The following NEGR1 variants were observed in gnomAD, a reference collection of about 807,000 sequenced individuals.
The protein encoded by NEGR1 is IgLON family member 4.
NEGR1 carries 10 observed loss-of-function variants against 40.9 expected under a neutral mutation model. The ratio of observed to expected loss-of-function variants is 0.24; its 90% CI spans 0.15 to 0.42. The LOEUF (loss-of-function observed/expected upper bound fraction) is 0.42. Ranked by LOEUF, NEGR1 falls within the 10% of genes least tolerant of loss-of-function variation. The pLI is 1.00. For missense variants in NEGR1, 352 were observed against 438.9 expected (o/e 0.80, Z 1.77); for synonymous variants, 185 against 166.8 (o/e 1.11, Z -0.84).
chr1:71,481,049 T>C (rs545032083), intron 6 of NEGR1, among the ~76,000 whole-genome samples: 48 of 152,046 alleles, frequency 3.2e-4, no homozygotes, highest in African/African-American at 1.2e-3. Flanking sequence ...TTTATAAATG[T>C]TTTGCATGCT....
chr1:71,532,623 G>A (rs1312065855), intron 6 of NEGR1, among the ~76,000 whole-genome samples: 1 of 151,554 alleles, frequency 6.6e-6, no homozygotes, highest in African/African-American at 2.4e-5. Context: ...TCTACAACGT[G>A]ACACATATTT....
intron 2 of NEGR1, among the ~76,000 whole-genome samples, chr1:71,856,233 A>G (rs543735576): frequency 4.6e-5 from 7 of 152,206 alleles, no homozygotes; most frequent in African/African-American, 1.4e-4. Context: ...GTCGATAGAT[A>G]CATAAGGAAA....
chr1:71,994,543 C>CA lies in NEGR1; in HGVS notation c.177-59233dup, dbSNP rs200106023. On this transcript the variant is annotated intron_variant, in intron 1 of 6. Coordinates refer to ENST00000357731, the MANE Select transcript of NEGR1 (RefSeq NM_173808.3). ...ACTCTGTCTCAAAAACAAAACAAAA[C>CA]AAACAAAAAAAAAAAACACTCATCA... is the stretch of plus-strand genomic sequence containing the variant. Among the ~76,000 whole-genome samples the CA allele has an allele frequency of 5.7e-4, 41 of 71,568 alleles. No homozygotes were observed. In the East Asian group the frequency reaches 0.011, roughly 19 times the overall value. 47.0% of individuals were successfully genotyped at this position (71,568 alleles called of 152,430 possible).
At chr1:71,520,650 G>A (rs1197888669) in intron 6 of NEGR1, among the ~76,000 whole-genome samples, 1 of 152,016 alleles carries the variant, frequency 6.6e-6, no homozygotes, top group Non-Finnish European at 1.5e-5. Context: ...CACTTAAAGG[G>A]AAGATTGATG....
At chr1:71,631,801 G>C (rs1211016167) in intron 4 of NEGR1, among the ~76,000 whole-genome samples, 1 of 151,764 alleles carries the variant, frequency 6.6e-6, no homozygotes, top group Non-Finnish European at 1.5e-5. Context: ...GTGGACAAAA[G>C]AGGATATGAA....
chr1:71,956,139 A>G (rs2100285236), intron 1 of NEGR1, among the ~76,000 whole-genome samples: 1 of 152,214 alleles, frequency 6.6e-6, no homozygotes, highest in South Asian at 2.1e-4. Flanking sequence ...ATTCTTTCTG[A>G]TTTATTACAG....
chr1:71,703,022 T>C (rs1219087620), intron 3 of NEGR1, among the ~76,000 whole-genome samples: 2 of 152,102 alleles, frequency 1.3e-5, no homozygotes, highest in Non-Finnish European at 2.9e-5. Flanking sequence ...ATGTGTTTTC[T>C]TGTCGTTGCT....
chr1:72,253,685 A>C (rs1470115066), intron 1 of NEGR1, among the ~76,000 whole-genome samples: 2 of 152,242 alleles, frequency 1.3e-5, no homozygotes, highest in African/African-American at 4.8e-5. Flanking sequence ...TGCTAATCAA[A>C]TAGGTATAAG....
At chr1:71,821,555 AG>A (rs751128962) in intron 2 of NEGR1, among the ~76,000 whole-genome samples, 5 of 152,032 alleles carry the variant, frequency 3.3e-5, no homozygotes, top group African/African-American at 7.2e-5. Flanking sequence ...CAGAGTAGAA[AG>A]GGCTCTGAAG....
chr1:72,232,249 C>T (rs879156960), intron 1 of NEGR1, among the ~76,000 whole-genome samples: 5 of 151,574 alleles, frequency 3.3e-5, no homozygotes, highest in Admixed American at 3.3e-4. Context: ...CCCAGCTACT[C>T]GGAAGGCTAA....
At chr1:71,941,166 A>G (rs1362279254) in intron 1 of NEGR1, among the ~76,000 whole-genome samples, 1 of 152,164 alleles carries the variant, frequency 6.6e-6, no homozygotes, top group Non-Finnish European at 1.5e-5. Context: ...TGACAGAAGG[A>G]GAACTTTCAA....
chr1:71,566,919 C>G (rs1461001981), intron 6 of NEGR1, among the ~76,000 whole-genome samples: 1 of 152,134 alleles, frequency 6.6e-6, no homozygotes, highest in Non-Finnish European at 1.5e-5. Context: ...AAGGGGCAAA[C>G]AAGCTCCCTC....
At chr1:71,726,688 C>T (rs1654688169) in intron 3 of NEGR1, among the ~76,000 whole-genome samples, 2 of 151,956 alleles carry the variant, frequency 1.3e-5, no homozygotes, top group South Asian at 2.1e-4. Context: ...CAATTTTCCC[C>T]CAAAAGCTTT....
intron 1 of NEGR1, among the ~76,000 whole-genome samples, chr1:72,049,427 TA>T (rs1557501021): frequency 2.6e-5 from 4 of 151,510 alleles, no homozygotes; most frequent in African/African-American, 9.7e-5. Context: ...GCAGAGAAAA[TA>T]GTAAGTACAA....
At chr1:72,230,291 G>A (rs535094009) in intron 1 of NEGR1, among the ~76,000 whole-genome samples, 42 of 152,002 alleles carry the variant, frequency 2.8e-4, no homozygotes, top group African/African-American at 9.9e-4. Context: ...AATTATCTTT[G>A]GTCTAATATA....
At position 71,939,448 on chromosome 1, in the gene NEGR1, A is replaced by T. The variant is rs183569298; in HGVS notation, c.177-4137T>A. 7.2e-5 allele frequency among the ~76,000 whole-genome samples: 11 copies of T among 152,296 alleles called. No individual in the cohort carries two copies. The East Asian group carries it at 1.5e-3, about 21-fold the overall frequency. ...GAGTGGATAAATGAAGGTAAAAATT[A>T]GGAAAATTTTGGAGAAAGGAATAAT... is the stretch of plus-strand genomic sequence containing the variant. On this transcript the variant is annotated intron_variant, in intron 1 of 6. Transcript: ENST00000357731.
At chr1:71,644,611 A>G (rs749032538) in intron 4 of NEGR1, among the ~76,000 whole-genome samples, 1 of 152,020 alleles carries the variant, frequency 6.6e-6, no homozygotes, top group East Asian at 1.9e-4. Context: ...TTGAATAAAT[A>G]TAATAGGTGT....
At chr1:71,727,113 C>T (rs1032122166) in intron 3 of NEGR1, among the ~76,000 whole-genome samples, 1 of 152,026 alleles carries the variant, frequency 6.6e-6, no homozygotes, top group Non-Finnish European at 1.5e-5. Context: ...CAATTAGGTA[C>T]CATTTGTGAG....
At chr1:72,014,441 A>G (rs1035688233) in intron 1 of NEGR1, among the ~76,000 whole-genome samples, 3 of 151,964 alleles carry the variant, frequency 2.0e-5, no homozygotes, top group African/African-American at 7.2e-5. Flanking sequence ...TCACTTGAAA[A>G]ATGCTTTCTT....
Sources: allele counts gnomAD v4.1 joint callset (sites outside exome capture counted in the v4.1 genomes callset), GRCh38; gene constraint gnomAD v4.1.1; transcripts MANE v1.5; gene names NCBI Gene and HGNC (gene_info 2026-07-23, HGNC 2026-07-21).